The following COLGALT2 variants were observed in gnomAD, a reference collection of about 807,000 sequenced individuals.
COLGALT2 encodes the protein collagen beta(1-O)galactosyltransferase 2, also known as procollagen galactosyltransferase 2.
A neutral mutation model predicts 73.4 loss-of-function variants in COLGALT2; 49 were observed. The ratio of observed to expected loss-of-function variants is 0.67; its 90% CI spans 0.53 to 0.85. COLGALT2 has a LOEUF of 0.85. COLGALT2 is among the 40% of genes least tolerant of loss of function. The probability of loss-of-function intolerance (pLI) is 0.00; values close to 1 mark genes in which losing one functional copy is unlikely to be tolerated. For synonymous variants in COLGALT2, 295 were observed against 307.6 expected (o/e 0.96, Z 0.43); for missense variants, 722 against 790.2 (o/e 0.91, Z 1.03).
At chr1:184,010,150 G>C (rs1050991662) in intron 1 of COLGALT2, among the ~76,000 whole-genome samples, 4 of 152,148 alleles carry the variant, frequency 2.6e-5, no homozygotes, top group Non-Finnish European at 5.9e-5. Flanking sequence ...AGTCATGCAG[G>C]TGAATAATGT....
Position 184,015,551 on chromosome 1 carries a change from C to T in COLGALT2, c.263+21544G>A, listed in dbSNP as rs190127288. Among the ~76,000 whole-genome samples the T allele has an allele frequency of 1.4e-3, 213 of 152,338 alleles. 2 individuals carry two copies. Among genetic ancestry groups the T allele is most frequent in the African/African-American group, 3.2e-3 (133 of 41,564 alleles). On this transcript the variant is annotated intron_variant, in intron 1 of 11. Transcript: ENST00000361927. Reference sequence around the variant, plus strand: ...GAATGAATAAATGAAAGAATGTCTCCGCATGTTTGCACATCTTCTAATTTG... The same window carrying T: ...GAATGAATAAATGAAAGAATGTCTCTGCATGTTTGCACATCTTCTAATTTG...
chr1:183,951,018 A>G lies in COLGALT2; in HGVS notation c.1125T>C (p.Ala375=), dbSNP rs1187170887. 2.5e-6 allele frequency: 4 copies of G among 1,612,594 alleles called. No homozygotes were observed. Among genetic ancestry groups the G allele is most frequent in the Non-Finnish European group, 1.7e-6 (2 of 1,178,862 alleles). The change falls in exon 8 of 12, where the codon GCT becomes GCC. Residue 375 remains alanine, a synonymous_variant. Transcript: ENST00000361927. Reference sequence around the variant, plus strand: ...GAAACCCAACTCACTTTCCATCCACAGCCTCGACAATCTTGACCTCAATCT... The same window carrying G: ...GAAACCCAACTCACTTTCCATCCACGGCCTCGACAATCTTGACCTCAATCT... The part of the protein sequence containing the change: ...EQEIEVKIVE[A]VDGKALNTSQ...
rs780498445 is a variant in COLGALT2 at position 183,954,842 on chromosome 1, GA to G, written c.953-5del. On this transcript the variant is annotated splice_region_variant and splice_polypyrimidine_tract_variant and intron_variant, in intron 6 of 11. Coordinates refer to ENST00000361927, the MANE Select transcript of COLGALT2 (RefSeq NM_015101.4). Reference sequence around the variant, plus strand: ...GGTTCCATTGGAGGACGGTCAACTGGAAGACACAAGAAACATGCAGAGTGCT... The same window carrying G: ...GGTTCCATTGGAGGACGGTCAACTGGAGACACAAGAAACATGCAGAGTGCT... 3.1e-6 allele frequency: 5 copies of G among 1,608,706 alleles called. No individual in the cohort carries two copies. The South Asian group carries it at 5.5e-5, about 18-fold the overall frequency.
At chr1:183,951,865 A>G (rs1490184450) in intron 7 of COLGALT2, among the ~76,000 whole-genome samples, 1 of 152,228 alleles carries the variant, frequency 6.6e-6, no homozygotes, top group Non-Finnish European at 1.5e-5. Flanking sequence ...TCATGGAACC[A>G]CAAAAGACCC....
At chr1:183,982,973 G>A (rs1338059823) in intron 1 of COLGALT2, among the ~76,000 whole-genome samples, 1 of 152,132 alleles carries the variant, frequency 6.6e-6, no homozygotes, top group Non-Finnish European at 1.5e-5. Flanking sequence ...CTGGTGTACA[G>A]ATTAAACAAC....
At chr1:183,981,395 G>GC (rs1274559514) in intron 1 of COLGALT2, among the ~76,000 whole-genome samples, 2 of 151,962 alleles carry the variant, frequency 1.3e-5, no homozygotes, top group Non-Finnish European at 2.9e-5. Flanking sequence ...GCTCATGCCC[G>GC]CAATTGCAGC....
At chr1:183,987,210 C>T (rs10797928) in intron 1 of COLGALT2, among the ~76,000 whole-genome samples, 28,753 of 152,098 alleles carry the variant, frequency 0.19, 3,007 homozygotes, top group East Asian at 0.41. Context: ...ATTTGTCTAT[C>T]TACCCTCTTC....
At chr1:184,036,950 G>A in intron 1 of COLGALT2, 145 bp downstream of exon 1, 1 of 651,190 alleles carries the variant, frequency 1.5e-6, no homozygotes, top group Non-Finnish European at 2.1e-6. Flanking sequence ...CGGGCAGCGA[G>A]GGGGTGTGTG....
intron 5 of COLGALT2, among the ~76,000 whole-genome samples, chr1:183,968,209 G>C (rs951500128): frequency 3.3e-5 from 5 of 152,172 alleles, no homozygotes; most frequent in African/African-American, 1.2e-4. Context: ...TAGTGGTTAA[G>C]TGACACATTT....
Position 183,938,741 on chromosome 1 carries a change from G to T in COLGALT2, c.*20C>A, listed in dbSNP as rs758395530. ...ACCAGAGGATGTTGAACTGATGTGG[G>T]CCACACTCCCAGGGAGCCTTCATAG... On this transcript the variant is annotated 3_prime_UTR_variant, in exon 12 of 12. Transcript: ENST00000361927. 5.6e-6 allele frequency: 9 copies of T among 1,612,556 alleles called. No individual in the cohort carries two copies. The highest frequency in any genetic ancestry group is 7.6e-6 in the Non-Finnish European group (9 of 1,179,150).
At chr1:183,940,160 G>A (rs1274587792) in intron 11 of COLGALT2, among the ~76,000 whole-genome samples, 1 of 152,166 alleles carries the variant, frequency 6.6e-6, no homozygotes, top group Non-Finnish European at 1.5e-5. Flanking sequence ...CTGGGTTCCT[G>A]ACCAGATTGT....
chr1:183,969,525 C>A, intron 4 of COLGALT2, 52 bp from the exon 5 acceptor site: 1 of 1,491,622 alleles, frequency 6.7e-7, no homozygotes, highest in South Asian at 1.3e-5. Context: ...AGTCTTCATC[C>A]TTCTCAGTCA....
chr1:184,010,206 G>A (rs891874204), intron 1 of COLGALT2, among the ~76,000 whole-genome samples: 1 of 152,166 alleles, frequency 6.6e-6, no homozygotes, highest in Non-Finnish European at 1.5e-5. Context: ...CCATTATTCT[G>A]CCATTTAGAA....
intron 1 of COLGALT2, among the ~76,000 whole-genome samples, chr1:184,013,475 T>TA (rs1015131042): frequency 3.3e-5 from 5 of 152,084 alleles, no homozygotes; most frequent in Non-Finnish European, 7.4e-5. Flanking sequence ...AGTCTGAATC[T>TA]AAAAAAGAGC....
At position 183,936,645 on chromosome 1, in the gene COLGALT2, C is replaced by A. The variant is rs778383657; in HGVS notation, c.*2116G>T. On this transcript the variant is annotated 3_prime_UTR_variant, in exon 12 of 12. Coordinates refer to ENST00000361927, the MANE Select transcript of COLGALT2 (RefSeq NM_015101.4). Reference sequence around the variant, plus strand: ...GTCATTAAAGTCATGCACACATGCACACACTCAAATATGAAAACAAAAACC... The same window carrying A: ...GTCATTAAAGTCATGCACACATGCAAACACTCAAATATGAAAACAAAAACC... 1 of 1,219,260 alleles carries A rather than the reference C, an allele frequency of 8.2e-7. No individual in the cohort carries two copies. Among genetic ancestry groups the A allele is most frequent in the Non-Finnish European group, 1.0e-6 (1 of 980,878 alleles). 75.5% of individuals were successfully genotyped at this position (1,219,260 alleles called of 1,614,324 possible). A position where few individuals can be genotyped will look rare whatever the true frequency, so the allele number is the denominator to read the frequency against.
intron 6 of COLGALT2, among the ~76,000 whole-genome samples, chr1:183,959,843 C>T (rs529084777): frequency 6.6e-6 from 1 of 152,226 alleles, no homozygotes; most frequent in South Asian, 2.1e-4. Context: ...CTCCCTTGAC[C>T]CAACTCATTC....
In COLGALT2 at chr1:183,938,541, C is replaced by A; in HGVS notation, c.*220G>T. On this transcript the variant is annotated 3_prime_UTR_variant, in exon 12 of 12. Transcript: ENST00000361927. ...GTTTATCTTAACAGTTTCCAAAAAACCTGTCTTTCAGCCGTCTTGGGAAAT... is the reference window on the plus strand; with the variant it reads ...GTTTATCTTAACAGTTTCCAAAAAAACTGTCTTTCAGCCGTCTTGGGAAAT... 2 of 1,404,710 alleles carry A rather than the reference C, an allele frequency of 1.4e-6. No individual in the cohort carries two copies. Among genetic ancestry groups the A allele is most frequent in the Non-Finnish European group, 1.8e-6 (2 of 1,082,540 alleles). 87.0% of individuals were successfully genotyped at this position (1,404,710 alleles called of 1,614,324 possible).
intron 5 of COLGALT2, among the ~76,000 whole-genome samples, chr1:183,968,377 T>G (rs867787982): frequency 1.3e-5 from 2 of 152,200 alleles, no homozygotes; most frequent in Non-Finnish European, 2.9e-5. Context: ...GAAATAACTT[T>G]CCTTCCTGTT....
chr1:183,969,791 G>A (rs1572646381), intron 4 of COLGALT2, among the ~76,000 whole-genome samples: 1 of 152,218 alleles, frequency 6.6e-6, no homozygotes, highest in Non-Finnish European at 1.5e-5. Flanking sequence ...ATTAAGAAGT[G>A]GCAGAGCAGT....
Sources: allele counts gnomAD v4.1 joint callset (sites outside exome capture counted in the v4.1 genomes callset), GRCh38; gene constraint gnomAD v4.1.1; transcripts MANE v1.5; gene names NCBI Gene and HGNC (gene_info 2026-07-23, HGNC 2026-07-21).